The following GAD2 variants were observed in gnomAD, a reference collection of about 807,000 sequenced individuals.
The protein encoded by GAD2 is glutamate decarboxylase 2, also known as 65 kDa glutamic acid decarboxylase.
Under a neutral mutation model 80.1 loss-of-function variants are expected in GAD2, and 22 were observed. The observed-to-expected ratio is 0.27, with a 90% CI of 0.20 to 0.39. GAD2 has a LOEUF of 0.39. GAD2 is among the 10% of genes least tolerant of loss of function. The probability of loss-of-function intolerance (pLI) is 1.00; values close to 1 mark genes in which losing one functional copy is unlikely to be tolerated. For synonymous variants in GAD2, 274 were observed against 256.9 expected, an observed-to-expected ratio of 1.07 and a Z score of -0.64; for missense variants, 624 against 738.4, an observed-to-expected ratio of 0.85 and a Z score of 1.80.
chr10:26,220,964 T>C (rs775150100), intron 4 of GAD2, among the ~76,000 whole-genome samples: 3 of 152,266 alleles, frequency 2.0e-5, no homozygotes, highest in Non-Finnish European at 2.9e-5. Context: ...CTGTAATGCA[T>C]TTTATTTAAA....
intron 8 of GAD2, among the ~76,000 whole-genome samples, chr10:26,265,316 G>C (rs1845058619): frequency 6.6e-6 from 1 of 151,112 alleles, no homozygotes. Flanking sequence ...CAATTCTCCT[G>C]CCTCAGCCAC....
intron 12 of GAD2, among the ~76,000 whole-genome samples, chr10:26,286,065 A>T (rs1845327883): frequency 6.6e-6 from 1 of 152,166 alleles, no homozygotes; most frequent in Non-Finnish European, 1.5e-5. Context: ...GATTTTTATA[A>T]ATGCCTTCTC....
chr10:26,261,697 G>A (rs949804538), intron 8 of GAD2, among the ~76,000 whole-genome samples: 13 of 152,136 alleles, frequency 8.5e-5, no homozygotes, highest in African/African-American at 3.1e-4. Flanking sequence ...TGAAGTAGAT[G>A]TTTTTATCGT....
chr10:26,265,461 C>G (rs1053324835), intron 8 of GAD2, among the ~76,000 whole-genome samples: 3 of 152,040 alleles, frequency 2.0e-5, no homozygotes, highest in African/African-American at 7.2e-5. Flanking sequence ...CCTCAGCCTC[C>G]CAAATTACTG....
In GAD2 at chr10:26,218,225, CCCCAG is replaced by C. The variant is rs1589135400; in HGVS notation, c.286+236_286+240del. On this transcript the variant is annotated intron_variant, in intron 3 of 15. Coordinates refer to ENST00000376261, the MANE Select transcript of GAD2 (RefSeq NM_001134366.2). The stretch of plus-strand genomic sequence containing the variant: ...GGGCTCTGAGGCCGTGGCGCTCTTC[CCCCAG>C]CGCGGCCCTTGGGATGGCGGGTGGC... 29 of 417,528 alleles carry C rather than the reference CCCCAG, an allele frequency of 6.9e-5. No homozygotes were observed. In the East Asian group the frequency reaches 1.1e-3, roughly 15 times the overall value. 25.9% of individuals were successfully genotyped at this position (417,528 alleles called of 1,614,324 possible). A position where few individuals can be genotyped will look rare whatever the true frequency, so the allele number is the denominator to read the frequency against.
upstream of GAD2, chr10:26,216,696 C>A: frequency 1.4e-6 from 1 of 711,914 alleles, no homozygotes; most frequent in Non-Finnish European, 2.2e-6. This position sits in a 1 kb window ranked among gnomAD's most constrained non-coding sequence, Gnocchi z 4.7. Context: ...CCGCCGGTCC[C>A]CGCGCGGTGC....
At chr10:26,292,374 C>A in intron 13 of GAD2, 91 bp from the exon 14 acceptor site, 3 of 931,952 alleles carry the variant, frequency 3.2e-6, no homozygotes, top group Non-Finnish European at 5.1e-6. Context: ...GGGGCTAAGA[C>A]AGAGACGGCA....
At chr10:26,235,980 T>C (rs1167832731) in intron 7 of GAD2, among the ~76,000 whole-genome samples, 1 of 152,190 alleles carries the variant, frequency 6.6e-6, no homozygotes, top group Non-Finnish European at 1.5e-5. Flanking sequence ...CGTAACTAAT[T>C]CGCTCCGCTC....
chr10:26,286,640 C>T, intron 13 of GAD2, 146 bp downstream of exon 13: 1 of 719,070 alleles, frequency 1.4e-6, no homozygotes, highest in Non-Finnish European at 2.2e-6. Context: ...TAAATACCTT[C>T]ATTTGACATG....
At position 26,227,390 on chromosome 10, in the gene GAD2, C is replaced by T. The variant is rs903509383; in HGVS notation, c.725-2272C>T. Among the ~76,000 whole-genome samples, 12 of 152,342 alleles carry T rather than the reference C, an allele frequency of 7.9e-5. No homozygotes were observed. The East Asian group carries it at 2.3e-3, about 29-fold the overall frequency. Reference sequence around the variant, plus strand: ...TGGAGGCCCAGAAGCCTCTTTCTCTCACTCAGAGCTGCTGAGCCTTTAGCC... The same window carrying T: ...TGGAGGCCCAGAAGCCTCTTTCTCTTACTCAGAGCTGCTGAGCCTTTAGCC... On this transcript the variant is annotated intron_variant, in intron 6 of 15. Coordinates refer to ENST00000376261, the MANE Select transcript of GAD2 (RefSeq NM_001134366.2).
chr10:26,244,359 G>T (rs1482514924), intron 7 of GAD2, among the ~76,000 whole-genome samples: 1 of 152,160 alleles, frequency 6.6e-6, no homozygotes, highest in Non-Finnish European at 1.5e-5. Context: ...AGTGCTGTAT[G>T]ATCTAGTAAT....
chr10:26,292,421 G>T (rs757902832), intron 13 of GAD2, 44 bp from the exon 14 acceptor site: 11 of 1,447,470 alleles, frequency 7.6e-6, no homozygotes, highest in African/African-American at 4.2e-5. Flanking sequence ...CGCTTCCTCC[G>T]CACTCTTAGC....
intron 15 of GAD2, among the ~76,000 whole-genome samples, chr10:26,294,068 G>A (rs1008435223): frequency 2.6e-5 from 4 of 152,192 alleles, no homozygotes; most frequent in Non-Finnish European, 4.4e-5. Context: ...AGTGCACATC[G>A]AAGCGGGGTA....
In GAD2 at chr10:26,292,883, C is replaced by A; in HGVS notation, c.1495-19C>A. ...TTGCCAGCCTGGGCCAAATGTGAAT[C>A]TTCCTTTCCTCTTTGTAGCCTCAGC... is the stretch of plus-strand genomic sequence containing the variant. On this transcript the variant is annotated intron_variant, in intron 14 of 15. Coordinates refer to ENST00000376261, the MANE Select transcript of GAD2 (RefSeq NM_001134366.2). 1 of 1,605,716 alleles carries A rather than the reference C, an allele frequency of 6.2e-7. No homozygotes were observed. The highest frequency in any genetic ancestry group is 8.5e-7 in the Non-Finnish European group (1 of 1,172,732).
intron 10 of GAD2, among the ~76,000 whole-genome samples, chr10:26,273,406 C>T (rs1845160698): frequency 6.6e-6 from 1 of 152,164 alleles, no homozygotes. Flanking sequence ...CTTCTACGGA[C>T]CAGGAGCTAT....
chr10:26,236,421 C>G (rs1342213252), intron 7 of GAD2, among the ~76,000 whole-genome samples: 1 of 152,086 alleles, frequency 6.6e-6, no homozygotes, highest in African/African-American at 2.4e-5. Flanking sequence ...CTGCCTCAGC[C>G]TCCCAAGTAG....
In GAD2 at chr10:26,301,991, T is replaced by A. The variant is rs1181410472; in HGVS notation, c.*1030T>A. ...TTGAATTAATTAGAGAAAGTAAAAA[T>A]AAAACCTTATCAGCCTGAGCAAAGA... is the stretch of plus-strand genomic sequence containing the variant. On this transcript the variant is annotated 3_prime_UTR_variant, in exon 16 of 16. Transcript: ENST00000376261. The A allele has an allele frequency of 2.6e-5, 4 of 152,140 alleles. No homozygotes were observed. The highest frequency in any genetic ancestry group is 9.7e-5 in the African/African-American group (4 of 41,416). The allele number at this position is 152,140 out of a possible 1,614,324, so 9.4% of individuals were successfully genotyped here. A position where few individuals can be genotyped will look rare whatever the true frequency, so the allele number is the denominator to read the frequency against.
chr10:26,281,091 T>C lies in GAD2; in HGVS notation c.1236+4T>C. 1.2e-6 allele frequency: 2 copies of C among 1,603,678 alleles called. No homozygotes were observed. ...TGCTCTCCTGGTTAGAGAAGAGGTATGTCTCTCTTGACTCTGTGTCCCAGT... is the reference window on the plus strand; with the variant it reads ...TGCTCTCCTGGTTAGAGAAGAGGTACGTCTCTCTTGACTCTGTGTCCCAGT... On this transcript the variant is annotated splice_donor_region_variant and intron_variant, in intron 12 of 15. Transcript: ENST00000376261.
intron 7 of GAD2, among the ~76,000 whole-genome samples, chr10:26,234,046 G>A (rs75167054): frequency 0.019 from 2,914 of 152,222 alleles, 97 homozygotes; most frequent in African/African-American, 0.066. Context: ...AACCTCAGCC[G>A]GGTGCGGTGG....
Sources: gnomAD v4.1 joint callset for allele counts (sites outside exome capture counted in the v4.1 genomes callset) on GRCh38, gnomAD v4.1.1 for gene constraint, Gnocchi (gnomAD v3.1) non-coding constraint, MANE v1.5 for transcripts, NCBI Gene and HGNC (gene_info 2026-07-23, HGNC 2026-07-21) for gene names.